Variants in ITFG1 observed in about 807,000 individuals in gnomAD.
ITFG1 encodes T-cell immunomodulatory protein.
Under a neutral mutation model 81.8 loss-of-function variants are expected in ITFG1, and 34 were observed. The observed-to-expected ratio is 0.42, with a 90% CI of 0.32 to 0.55. The LOEUF (loss-of-function observed/expected upper bound fraction) is 0.55, where lower values mean the gene tolerates loss of function less well. Among genes scored for constraint, ITFG1 ranks in the 20% least tolerant of loss-of-function variants. ITFG1 has a pLI of 0.17. For missense variants in ITFG1, 672 were observed against 755.4 expected, an observed-to-expected ratio of 0.89 and a Z score of 1.29; for synonymous variants, 285 against 270.6, an observed-to-expected ratio of 1.05 and a Z score of -0.52.
chr16:47,161,539 T>A, intron 16 of ITFG1: 1 of 378,896 alleles, frequency 2.6e-6, no homozygotes, highest in East Asian at 3.8e-5. Context: ...ACCTCCTGTT[T>A]TTCTAATAGG....
chr16:47,400,310 G>A (rs1159483851), intron 6 of ITFG1, among the ~76,000 whole-genome samples: 1 of 151,984 alleles, frequency 6.6e-6, no homozygotes, highest in Admixed American at 6.6e-5. Flanking sequence ...AACTGCTTGA[G>A]TTCAGGAGTT....
intron 8 of ITFG1, among the ~76,000 whole-genome samples, chr16:47,347,538 G>C (rs1282886684): frequency 6.6e-6 from 1 of 152,030 alleles, no homozygotes; most frequent in Non-Finnish European, 1.5e-5. Flanking sequence ...GGTAAACAAA[G>C]CAGCTGGGAA....
intron 13 of ITFG1, among the ~76,000 whole-genome samples, chr16:47,230,199 C>A (rs1220997197): frequency 1.3e-5 from 2 of 152,076 alleles, no homozygotes; most frequent in African/African-American, 4.8e-5. Context: ...AAATCACCAA[C>A]ATTTGAAAGA....
intron 6 of ITFG1, among the ~76,000 whole-genome samples, chr16:47,386,079 G>T (rs1028015553): frequency 6.6e-6 from 1 of 152,124 alleles, no homozygotes; most frequent in Non-Finnish European, 1.5e-5. Flanking sequence ...TGAGTTTTAG[G>T]TCAGCAAATG....
intron 14 of ITFG1, among the ~76,000 whole-genome samples, chr16:47,181,454 G>GGGGGTCAGCCCCCCCGC (rs1965117596): frequency 6.8e-6 from 1 of 146,886 alleles, no homozygotes; most frequent in African/African-American, 2.5e-5. Flanking sequence ...GGGAGGTGGG[G>GGGGGTCAGCCCCCCCGC]GGGGTCAGCC....
At chr16:47,367,119 T>C (rs1446478766) in intron 7 of ITFG1, among the ~76,000 whole-genome samples, 3 of 152,070 alleles carry the variant, frequency 2.0e-5, no homozygotes, top group Non-Finnish European at 4.4e-5. Flanking sequence ...GGGAAACATA[T>C]TTACTTAGTT....
chr16:47,316,154 T>A (rs186293650), intron 8 of ITFG1, among the ~76,000 whole-genome samples: 36 of 152,306 alleles, frequency 2.4e-4, no homozygotes, highest in Admixed American at 2.4e-3. Context: ...ATTTCAAGAG[T>A]ATAATTTCAA....
At chr16:47,341,399 T>C (rs1967780735) in intron 8 of ITFG1, among the ~76,000 whole-genome samples, 2 of 109,514 alleles carry the variant, frequency 1.8e-5, no homozygotes, top group Non-Finnish European at 3.6e-5. Flanking sequence ...ACTGCGCCAC[T>C]GAAAAAAAAA....
intron 6 of ITFG1, among the ~76,000 whole-genome samples, chr16:47,414,266 T>G (rs1483540164): frequency 6.6e-6 from 1 of 151,908 alleles, no homozygotes; most frequent in Non-Finnish European, 1.5e-5. Flanking sequence ...TATTTTTTTT[T>G]TTTTATCCCA....
chr16:47,434,152 A>T (rs1969133030), intron 5 of ITFG1, among the ~76,000 whole-genome samples: 1 of 151,768 alleles, frequency 6.6e-6, no homozygotes, highest in Non-Finnish European at 1.5e-5. Flanking sequence ...GGCATAGGCA[A>T]ATATTTCATG....
intron 13 of ITFG1, among the ~76,000 whole-genome samples, chr16:47,227,771 C>G (rs569632236): frequency 6.6e-6 from 1 of 152,180 alleles, no homozygotes; most frequent in East Asian, 1.9e-4. Flanking sequence ...ATAAAAGATA[C>G]TGTATTAGGT....
chr16:47,276,712 T>C (rs1567443519), intron 10 of ITFG1, among the ~76,000 whole-genome samples: 1 of 151,974 alleles, frequency 6.6e-6, no homozygotes, highest in Non-Finnish European at 1.5e-5. Flanking sequence ...GGCACAGAAA[T>C]AGGACCACAC....
intron 16 of ITFG1, among the ~76,000 whole-genome samples, chr16:47,160,089 TATACTC>T (rs1457081542): frequency 3.3e-5 from 5 of 152,072 alleles, no homozygotes; most frequent in Non-Finnish European, 7.4e-5. Context: ...CTCTTAGTGT[TATACTC>T]ATACTTAAGA....
At chr16:47,416,446 A>G (rs1968876459) in intron 6 of ITFG1, among the ~76,000 whole-genome samples, 1 of 152,162 alleles carries the variant, frequency 6.6e-6, no homozygotes, top group South Asian at 2.1e-4. Context: ...TTTCAGCTAA[A>G]GCTTATTGTT....
chr16:47,205,828 TTATC>T (rs58886060), intron 14 of ITFG1, among the ~76,000 whole-genome samples: 34,025 of 142,770 alleles, frequency 0.24, 3,977 homozygotes, highest in Middle Eastern at 0.29. Context: ...TGGAATTAAA[TTATC>T]TATCTATCTA....
At chr16:47,445,160 C>T (rs1387503072) in intron 5 of ITFG1, among the ~76,000 whole-genome samples, 6 of 134,346 alleles carry the variant, frequency 4.5e-5, no homozygotes, top group Non-Finnish European at 9.3e-5. Context: ...TTTGAGATAT[C>T]TTAGTTAATT....
chr16:47,307,252 CT>C (rs1967184436), intron 10 of ITFG1, among the ~76,000 whole-genome samples: 1 of 151,684 alleles, frequency 6.6e-6, no homozygotes, highest in Non-Finnish European at 1.5e-5. Context: ...AACTTTATAC[CT>C]ATAAATTTAG....
chr16:47,192,590 A>G (rs1965305218), intron 14 of ITFG1, among the ~76,000 whole-genome samples: 1 of 152,108 alleles, frequency 6.6e-6, no homozygotes, highest in Non-Finnish European at 1.5e-5. Flanking sequence ...TGTCCCCCCA[A>G]CCACCCACCT....
intron 13 of ITFG1, among the ~76,000 whole-genome samples, chr16:47,221,664 G>C (rs942203458): frequency 3.9e-5 from 6 of 152,192 alleles, no homozygotes; most frequent in African/African-American, 1.4e-4. Context: ...AATGGTACCA[G>C]TTCCTCCTTG....
Sources: gnomAD v4.1 joint callset for allele counts (sites outside exome capture counted in the v4.1 genomes callset) on GRCh38, gnomAD v4.1.1 for gene constraint, MANE v1.5 for transcripts, NCBI Gene and HGNC (gene_info 2026-07-23, HGNC 2026-07-21) for gene names.